Variants in KANK3 observed in about 807,000 individuals in gnomAD.
The protein encoded by KANK3 is KN motif and ankyrin repeat domain-containing protein 3.
A neutral mutation model predicts 65.4 loss-of-function variants in KANK3; 61 were observed. The ratio of observed to expected loss-of-function variants is 0.93; its 90% CI spans 0.76 to 1.15. The LOEUF (loss-of-function observed/expected upper bound fraction) is 1.15, where lower values mean the gene tolerates loss of function less well. Among genes scored for constraint, KANK3 ranks in the 50% most tolerant of loss-of-function variants. The pLI is 0.00. For missense variants in KANK3, 1,187 were observed against 1,178.8 expected (o/e 1.01, Z -0.10); for synonymous variants, 586 against 543.3 (o/e 1.08, Z -1.09).
chr19:8,335,702 A>C lies in KANK3; in HGVS notation c.125T>G (p.Phe42Cys). The C allele has an allele frequency of 8.0e-7, 1 of 1,253,684 alleles. No homozygotes were observed. Among genetic ancestry groups the C allele is most frequent in the Non-Finnish European group, 1.0e-6 (1 of 995,540 alleles). The allele number at this position is 1,253,684 out of a possible 1,614,324, so 77.7% of individuals were successfully genotyped here. The stretch of plus-strand genomic sequence containing the variant: ...CTTGAGGAAGTCCAGGTCCAGGTGG[A>C]AGCCGTAGGGCGTCTCCACCGAGTA... ...SPYSVETPYG[F>C]HLDLDFLKYI... Residue 42 changes from phenylalanine to cysteine, a missense_variant, in exon 3 of 11, where the codon TTC (phenylalanine) becomes TGC (cysteine). Phe to Cys is a radical substitution (Grantham distance 205). This residue lies in a region of KANK3 where 104 missense variants were observed against 122.1 expected (regional missense o/e 0.85). Transcript: ENST00000330915.
In KANK3 at chr19:8,334,834, G is replaced by T; in HGVS notation, c.993C>A (p.Pro331=). ...CCCACGCGTCCGCCTCCACGGTCTC[G>T]GGGGCAGCCTCCACGCCGGCCTCCC... ...ETREAGVEAA[P]ETVEADAWVT... The change falls in exon 3 of 11, where the codon CCC becomes CCA. Residue 331 remains proline, a synonymous_variant. Transcript: ENST00000330915. The T allele has an allele frequency of 6.1e-6, 9 of 1,478,282 alleles. No homozygotes were observed. The highest frequency in any genetic ancestry group is 8.0e-6 in the Non-Finnish European group (9 of 1,123,502). 91.6% of individuals were successfully genotyped at this position (1,478,282 alleles called of 1,614,324 possible).
Position 8,334,102 on chromosome 19 carries a change from G to A in KANK3, c.1442C>T (p.Ser481Phe). 1 of 1,520,458 alleles carries A rather than the reference G, an allele frequency of 6.6e-7. No homozygotes were observed. The highest frequency in any genetic ancestry group is 1.2e-5 in the South Asian group (1 of 82,606). 94.2% of individuals were successfully genotyped at this position (1,520,458 alleles called of 1,614,324 possible). ...ATCGCTGTCGCTGGCGTCCTCGCTGGAGGAGCTCTCGTACCTGGGGGCAGG... is the reference window on the plus strand; with the variant it reads ...ATCGCTGTCGCTGGCGTCCTCGCTGAAGGAGCTCTCGTACCTGGGGGCAGG... ...GVLNGEYESSSSEDASDSDGD... is the reference protein window; with the variant it reads ...GVLNGEYESSFSEDASDSDGD... The change falls in exon 5 of 11, where the codon TCC becomes TTC. Residue 481 changes from serine to phenylalanine, a missense_variant. Ser to Phe is a radical substitution (Grantham distance 155). Coordinates refer to ENST00000330915, the MANE Select transcript of KANK3 (RefSeq NM_198471.3).
At chr19:8,342,161 T>C (rs1423089967) in intron 1 of KANK3, among the ~76,000 whole-genome samples, 1 of 152,106 alleles carries the variant, frequency 6.6e-6, no homozygotes, top group African/African-American at 2.4e-5. Context: ...AGCTGGCTAA[T>C]TTTTGAATTT....
At chr19:8,329,320 C>G (rs1970484157) in intron 7 of KANK3, among the ~76,000 whole-genome samples, 1 of 151,050 alleles carries the variant, frequency 6.6e-6, no homozygotes, top group South Asian at 2.1e-4. Context: ...AACCCCGTCT[C>G]TACTGAAAAT....
At chr19:8,339,976 A>AG (rs1970702004) in intron 1 of KANK3, among the ~76,000 whole-genome samples, 1 of 137,600 alleles carries the variant, frequency 7.3e-6, no homozygotes, top group Admixed American at 7.8e-5. Flanking sequence ...AAAAAAAAAA[A>AG]AAAAAAAAGA....
chr19:8,336,277 A>C (rs1970636014), intron 2 of KANK3, among the ~76,000 whole-genome samples: 1 of 152,108 alleles, frequency 6.6e-6, no homozygotes, highest in African/African-American at 2.4e-5. Flanking sequence ...ATCTGCTAAA[A>C]ATACGAAAAT....
rs914137595 is a variant in KANK3 at position 8,334,752 on chromosome 19, G to A, written c.1075C>T (p.Arg359Cys). 16 of 1,525,612 alleles carry A rather than the reference G, an allele frequency of 1.0e-5. No homozygotes were observed. Among genetic ancestry groups the A allele is most frequent in the African/African-American group, 1.4e-5 (1 of 71,132 alleles). The allele number at this position is 1,525,612 out of a possible 1,614,324, so 94.5% of individuals were successfully genotyped here. Reference protein sequence around the residue: ...AAAERELELLRASLEHQRGVS... With the variant: ...AAAERELELLCASLEHQRGVS... Reference sequence around the variant, plus strand: ...CCGCGCTGGTGCTCCAGACTGGCGCGCAGCAGCTCTAGCTCGCGCTCGGCG... The same window carrying A: ...CCGCGCTGGTGCTCCAGACTGGCGCACAGCAGCTCTAGCTCGCGCTCGGCG... The change falls in exon 3 of 11, where the codon CGC becomes TGC. Residue 359 changes from arginine to cysteine, a missense_variant. Arg to Cys is a radical substitution (Grantham distance 180). Coordinates refer to ENST00000330915, the MANE Select transcript of KANK3 (RefSeq NM_198471.3).
rs1232001303 is a variant in KANK3 at position 8,324,453 on chromosome 19, G to A, written c.2378C>T (p.Thr793Ile). Residue 793 changes from threonine (T) to isoleucine (I), a missense_variant, in exon 10 of 11, where the codon ACC (threonine) becomes ATC (isoleucine). Transcript: ENST00000330915. Reference protein sequence around the residue: ...HAHLSSGQPDTQSESPPGSQT... With the variant: ...HAHLSSGQPDIQSESPPGSQT... The stretch of plus-strand genomic sequence containing the variant: ...TTCTTCCAGAGCTGTGCTCACCTGG[G>A]TGTCGGGCTGGCCCGAGCTCAGGTG... 2 of 1,599,962 alleles carry A rather than the reference G, an allele frequency of 1.3e-6. No individual in the cohort carries two copies. Among genetic ancestry groups the A allele is most frequent in the East Asian group, 2.3e-5 (1 of 43,966 alleles).
Position 8,334,135 on chromosome 19 carries a change from G to A in KANK3, c.1428-19C>T. On this transcript the variant is annotated intron_variant, in intron 4 of 10. Coordinates refer to ENST00000330915, the MANE Select transcript of KANK3 (RefSeq NM_198471.3). ...CTCGTACCTGGGGGCAGGGTGGGAG[G>A]TGTCTGCTAAACCTCCCCTGTGGGC... 6.7e-7 allele frequency: 1 copy of A among 1,501,916 alleles called. No homozygotes were observed. 93.0% of individuals were successfully genotyped at this position (1,501,916 alleles called of 1,614,324 possible).
At chr19:8,324,366 A>C (rs970662943) in intron 10 of KANK3, 83 bp downstream of exon 10, 1 of 1,271,988 alleles carries the variant, frequency 7.9e-7, no homozygotes, top group African/African-American at 1.5e-5. Flanking sequence ...GGGAGCAGAA[A>C]GGGAGGCTCA....
chr19:8,331,662 G>A (rs1261386817), intron 7 of KANK3, among the ~76,000 whole-genome samples: 2 of 152,144 alleles, frequency 1.3e-5, no homozygotes, highest in African/African-American at 4.8e-5. Flanking sequence ...GGGGCACAGT[G>A]CCCCATCCCA....
rs536701986 is a variant in KANK3, at chr19:8,335,708, T to A, written c.119A>T (p.Tyr40Phe). ...PSSPYSVETPYGFHLDLDFLK... is the reference protein window; with the variant it reads ...PSSPYSVETPFGFHLDLDFLK... ...GAAGTCCAGGTCCAGGTGGAAGCCG[T>A]AGGGCGTCTCCACCGAGTAGGGCGA... Residue 40 changes from tyrosine (Y) to phenylalanine (F), a missense_variant, in exon 3 of 11, where the codon TAC becomes TTC. Physicochemically the swap from Tyr to Phe is conservative, Grantham distance 22. This residue lies in a region of KANK3 where 104 missense variants were observed against 122.1 expected (regional missense o/e 0.85). Transcript: ENST00000330915. 1.1e-4 allele frequency: 133 copies of A among 1,251,170 alleles called. 1 individual carries two copies. The South Asian group carries it at 4.8e-3, about 45-fold the overall frequency. 77.5% of individuals were successfully genotyped at this position (1,251,170 alleles called of 1,614,324 possible).
At chr19:8,328,286 A>G (rs1248482357) in intron 7 of KANK3, among the ~76,000 whole-genome samples, 2 of 152,022 alleles carry the variant, frequency 1.3e-5, no homozygotes, top group African/African-American at 2.4e-5. Context: ...TGTTGACTTC[A>G]TCCCCTGGTT....
intron 1 of KANK3, among the ~76,000 whole-genome samples, chr19:8,339,963 C>CAAAAAAA (rs59020478): frequency 4.2e-5 from 4 of 95,786 alleles, no homozygotes; most frequent in Non-Finnish European, 4.3e-5. Flanking sequence ...GACCTTGTCT[C>CAAAAAAA]AAAAAAAAAA....
chr19:8,332,946 T>C lies in KANK3; in HGVS notation c.1936+68A>G. The C allele has an allele frequency of 2.2e-6, 3 of 1,336,440 alleles. No individual in the cohort carries two copies. The South Asian group carries it at 3.8e-5, about 17-fold the overall frequency. 82.8% of individuals were successfully genotyped at this position (1,336,440 alleles called of 1,614,324 possible). On this transcript the variant is annotated intron_variant, in intron 7 of 10. Transcript: ENST00000330915. ...CTTTCCTCTCCAGAGTCTTTGAGCC[T>C]AGGTCAGCCCCTGCCCTCTCCCCCC...
rs764603120 is a variant in KANK3, at chr19:8,324,448, C to A, written c.2382+1G>T. On this transcript the variant is annotated splice_donor_variant, in intron 10 of 10. Transcript: ENST00000330915. LOFTEE classifies it high-confidence loss of function. ...TTTGTTTCTTCCAGAGCTGTGCTCACCTGGGTGTCGGGCTGGCCCGAGCTC... is the reference window on the plus strand; with the variant it reads ...TTTGTTTCTTCCAGAGCTGTGCTCAACTGGGTGTCGGGCTGGCCCGAGCTC... The A allele has an allele frequency of 6.3e-7, 1 of 1,596,962 alleles. No individual in the cohort carries two copies. The highest frequency in any genetic ancestry group is 8.5e-7 in the Non-Finnish European group (1 of 1,171,732).
intron 2 of KANK3, among the ~76,000 whole-genome samples, 195 bp downstream of exon 2, chr19:8,337,600 C>T (rs889094594): frequency 1.3e-4 from 20 of 152,224 alleles, no homozygotes; most frequent in African/African-American, 4.6e-4. Context: ...CCCACCGTGG[C>T]CTCCCAAAGT....
intron 1 of KANK3, among the ~76,000 whole-genome samples, chr19:8,341,846 C>A (rs1005629978): frequency 6.6e-6 from 1 of 152,178 alleles, no homozygotes; most frequent in Non-Finnish European, 1.5e-5. Flanking sequence ...TTCCTATGAT[C>A]ATTGTCCCTT....
At chr19:8,338,517 A>G (rs1469158469) in intron 1 of KANK3, among the ~76,000 whole-genome samples, 2 of 152,070 alleles carry the variant, frequency 1.3e-5, no homozygotes, top group Non-Finnish European at 2.9e-5. Context: ...TGGACGCTCT[A>G]TGTAGTGGAC....
Sources: allele counts gnomAD v4.1 joint callset (sites outside exome capture counted in the v4.1 genomes callset), GRCh38; gene constraint gnomAD v4.1.1; regional missense constraint gnomAD v4.1.1; transcripts MANE v1.5; gene names NCBI Gene and HGNC (gene_info 2026-07-23, HGNC 2026-07-21).